The following RREB1 variants were observed in gnomAD, a reference collection of about 807,000 sequenced individuals.
RREB1 encodes the protein ras-responsive element-binding protein 1.
A neutral mutation model predicts 117.8 loss-of-function variants in RREB1; 27 were observed. The observed-to-expected ratio is 0.23, with a 90% confidence interval of 0.17 to 0.32. The LOEUF is 0.32. Ranked by LOEUF, RREB1 falls within the 10% of genes least tolerant of loss-of-function variation. The probability of loss-of-function intolerance (pLI) is 1.00; values close to 1 mark genes in which losing one functional copy is unlikely to be tolerated. For missense variants in RREB1, 2,577 were observed against 2,378.2 expected (o/e 1.08, Z -1.74); for synonymous variants, 1,298 against 1,026.7 (o/e 1.26, Z -5.05).
At chr6:7,242,642 T>TCC (rs1554128689) in intron 11 of RREB1, among the ~76,000 whole-genome samples, 124 of 134,812 alleles carry the variant, frequency 9.2e-4, no homozygotes, top group Middle Eastern at 8.1e-3. Flanking sequence ...CATTCTGGGT[T>TCC]CCCCCCCCCC....
rs1171171176 is a variant in RREB1 at position 7,230,980 on chromosome 6, G to A, written c.2881G>A (p.Glu961Lys). 2 of 1,614,160 alleles carry A rather than the reference G, an allele frequency of 1.2e-6. No homozygotes were observed. Among genetic ancestry groups the A allele is most frequent in the Admixed American group, 3.3e-5 (2 of 60,026 alleles). ...TCCCAGCGAAGCCAAGAAGCCTGAG[G>A]AGGAGGCGGGGAGCAGCGAGCAGCC... ...ATPSEAKKPE[E>K]EAGSSEQPSP... Residue 961 changes from glutamate (E) to lysine (K), a missense_variant, in exon 10 of 13, where the codon GAG becomes AAG. Physicochemically the swap from Glu to Lys is moderately conservative, Grantham distance 56. Coordinates refer to ENST00000379938, the MANE Select transcript of RREB1 (RefSeq NM_001003699.4).
chr6:7,251,226 A>C lies in RREB1; in HGVS notation c.*2258A>C, dbSNP rs966045127. On this transcript the variant is annotated 3_prime_UTR_variant, in exon 13 of 13. Coordinates refer to ENST00000379938, the MANE Select transcript of RREB1 (RefSeq NM_001003699.4). The stretch of plus-strand genomic sequence containing the variant: ...GCCTTGATCTGTACCCTCGTAGTCA[A>C]TAAGGTCTTGCCACATTTTATTAGT... 6.6e-6 allele frequency: 1 copy of C among 152,132 alleles called. No individual in the cohort carries two copies. The highest frequency in any genetic ancestry group is 2.4e-5 in the African/African-American group (1 of 41,422). The allele number at this position is 152,132 out of a possible 1,614,324, so 9.4% of individuals were successfully genotyped here. A position where few individuals can be genotyped will look rare whatever the true frequency, so the allele number is the denominator to read the frequency against.
At chr6:7,170,736 T>C (rs1666821785) in intron 1 of RREB1, among the ~76,000 whole-genome samples, 1 of 152,188 alleles carries the variant, frequency 6.6e-6, no homozygotes, top group South Asian at 2.1e-4. Context: ...AAGCCAGAGT[T>C]AGAAATGGGG....
chr6:7,199,608 G>C (rs1229871343), intron 6 of RREB1, among the ~76,000 whole-genome samples: 3 of 151,972 alleles, frequency 2.0e-5, no homozygotes, highest in Non-Finnish European at 4.4e-5. Context: ...GTTCTATGAT[G>C]TTTACATATA....
chr6:7,219,394 C>T (rs1003560342), intron 8 of RREB1, among the ~76,000 whole-genome samples: 2 of 151,966 alleles, frequency 1.3e-5, no homozygotes, highest in South Asian at 2.1e-4. Context: ...AGGACAAAAC[C>T]CCAGCTAGCA....
intron 10 of RREB1, among the ~76,000 whole-genome samples, chr6:7,236,137 G>C (rs899446142): frequency 6.6e-6 from 1 of 152,088 alleles, no homozygotes; most frequent in Admixed American, 6.5e-5. Flanking sequence ...TTACCCCTCG[G>C]GAGCATCTCG....
At chr6:7,186,170 C>CCGTTGGGTTA (rs1765072500) in intron 4 of RREB1, among the ~76,000 whole-genome samples, 5 of 152,206 alleles carry the variant, frequency 3.3e-5, no homozygotes, top group Admixed American at 2.0e-4. Context: ...GCCCTCCATC[C>CCGTTGGGTTA]CGTTGGGTTA....
intron 1 of RREB1, among the ~76,000 whole-genome samples, chr6:7,166,920 ACT>A (rs1763960184): frequency 6.6e-6 from 1 of 151,986 alleles, no homozygotes; most frequent in South Asian, 2.1e-4. Context: ...ATTGCCTAAA[ACT>A]CTATGCAAAC....
chr6:7,222,582 G>T (rs1767328725), intron 8 of RREB1, among the ~76,000 whole-genome samples: 1 of 152,130 alleles, frequency 6.6e-6, no homozygotes, highest in Non-Finnish European at 1.5e-5. Flanking sequence ...GTATGAAGGT[G>T]TCCAGAAACA....
At chr6:7,220,479 G>T (rs980569467) in intron 8 of RREB1, among the ~76,000 whole-genome samples, 3 of 151,806 alleles carry the variant, frequency 2.0e-5, no homozygotes, top group Non-Finnish European at 4.4e-5. Context: ...AGAAAGTTTT[G>T]TTTTTGAAAG....
chr6:7,146,446 A>G (rs1404151254), intron 1 of RREB1, among the ~76,000 whole-genome samples: 1 of 152,100 alleles, frequency 6.6e-6, no homozygotes, highest in African/African-American at 2.4e-5. Context: ...CTGGGAGGGC[A>G]GTGAGGTGGA....
Position 7,230,092 on chromosome 6 carries a change from C to T in RREB1, c.1993C>T (p.His665Tyr). ...GGTCTTGCGTGCCCACGTGCGCTCC[C>T]ACCTGGGCATCTCGCCATACCAGTG... ...SGVLRAHVRS[H>Y]LGISPYQCNI... The change falls in exon 10 of 13, where the codon CAC becomes TAC. Residue 665 changes from histidine to tyrosine, a missense_variant. Transcript: ENST00000379938. The T allele has an allele frequency of 6.2e-7, 1 of 1,602,962 alleles. No individual in the cohort carries two copies. Among genetic ancestry groups the T allele is most frequent in the East Asian group, 2.2e-5 (1 of 44,666 alleles).
chr6:7,182,402 T>C (rs902151169), intron 4 of RREB1, among the ~76,000 whole-genome samples: 31 of 152,196 alleles, frequency 2.0e-4, no homozygotes, highest in Non-Finnish European at 3.4e-4. Flanking sequence ...GTGGTTTGTT[T>C]CCTCATTCAC....
chr6:7,188,025 C>T (rs889683275), intron 5 of RREB1, among the ~76,000 whole-genome samples: 6 of 152,032 alleles, frequency 3.9e-5, no homozygotes, highest in Non-Finnish European at 2.9e-5. Flanking sequence ...AAAAATTAGC[C>T]AGGCATGGTG....
At chr6:7,174,445 G>A (rs570860491) in intron 1 of RREB1, among the ~76,000 whole-genome samples, 33 of 152,124 alleles carry the variant, frequency 2.2e-4, no homozygotes, top group African/African-American at 7.5e-4. Context: ...CTTCCAGGAC[G>A]CTACCCGGTG....
intron 2 of RREB1, among the ~76,000 whole-genome samples, chr6:7,177,238 AAAAAG>A: frequency 6.6e-6 from 1 of 151,300 alleles, no homozygotes; most frequent in Non-Finnish European, 1.5e-5. Flanking sequence ...AAAAAAAAAA[AAAAAG>A]GAGGAAAGAA....
At position 7,109,104 on chromosome 6, in the gene RREB1, C is replaced by T. The variant is rs1302547306; in HGVS notation, c.-285+1044C>T. The stretch of plus-strand genomic sequence containing the variant: ...TCCGAGGCGGGGCCGGCCGCCGGGG[C>T]CCGCTCCGCCGCCCAGCTGTGGAGC... On this transcript the variant is annotated intron_variant, in intron 1 of 12. Coordinates refer to ENST00000379938, the MANE Select transcript of RREB1 (RefSeq NM_001003699.4). Among the ~76,000 whole-genome samples, 3 of 151,720 alleles carry T rather than the reference C, an allele frequency of 2.0e-5. No individual in the cohort carries two copies. The East Asian group carries it at 6.0e-4, about 30-fold the overall frequency.
rs753771742 is a variant in RREB1, at chr6:7,230,604, G to C, written c.2505G>C (p.Glu835Asp). ...VLAADGLGPA[E>D]APAAEASGRG... ...CCGCCGACGGCCTGGGCCCCGCAGA[G>C]GCGCCGGCCGCTGAGGCGTCGGGGC... is the stretch of plus-strand genomic sequence containing the variant. Residue 835 changes from glutamate (E) to aspartate (D), a missense_variant, in exon 10 of 13, where the codon GAG becomes GAC. Physicochemically the swap from Glu to Asp is conservative, Grantham distance 45. Transcript: ENST00000379938. 1 of 1,603,214 alleles carries C rather than the reference G, an allele frequency of 6.2e-7. No homozygotes were observed. Among genetic ancestry groups the C allele is most frequent in the Admixed American group, 1.7e-5 (1 of 58,778 alleles).
In RREB1 at chr6:7,249,804, A is replaced by T. The variant is rs1769332295; in HGVS notation, c.*836A>T. 1 of 151,262 alleles carries T rather than the reference A, an allele frequency of 6.6e-6. No homozygotes were observed. Among genetic ancestry groups the T allele is most frequent in the South Asian group, 2.1e-4 (1 of 4,812 alleles). The allele number at this position is 151,262 out of a possible 1,614,324, so 9.4% of individuals were successfully genotyped here. The stretch of plus-strand genomic sequence containing the variant: ...TTTCAGTATATGTATTATTAATATT[A>T]TTATTATTATTATTATTATTAGTTC... On this transcript the variant is annotated 3_prime_UTR_variant, in exon 13 of 13. Coordinates refer to ENST00000379938, the MANE Select transcript of RREB1 (RefSeq NM_001003699.4).
Sources: allele counts gnomAD v4.1 joint callset (sites outside exome capture counted in the v4.1 genomes callset), GRCh38; gene constraint gnomAD v4.1.1; transcripts MANE v1.5; gene names NCBI Gene and HGNC (gene_info 2026-07-23, HGNC 2026-07-21).